The following DNAH14 variants were observed in gnomAD, a reference collection of about 807,000 sequenced individuals.
The protein encoded by DNAH14 is axonemal beta dynein heavy chain 14.
Under a neutral mutation model 520.9 loss-of-function variants are expected in DNAH14, and 478 were observed. The observed-to-expected ratio is 0.92, with a 90% CI of 0.85 to 0.99. The LOEUF (loss-of-function observed/expected upper bound fraction) is 0.99. Ranked by LOEUF, DNAH14 falls within the 50% of genes least tolerant of loss-of-function variation. The pLI, the probability that DNAH14 is intolerant of heterozygous loss-of-function variation, is 0.00. For synonymous variants in DNAH14, 1,581 were observed against 1,757.2 expected (o/e 0.90, Z 2.51); for missense variants, 4,831 against 5,234.5 (o/e 0.92, Z 2.38).
chr1:225,091,138 G>A (rs746961499), intron 21 of DNAH14, among the ~76,000 whole-genome samples: 1 of 152,106 alleles, frequency 6.6e-6, no homozygotes, highest in Admixed American at 6.6e-5. Flanking sequence ...GAAAGAGAGG[G>A]AGAGAAAGAA....
intron 77 of DNAH14, among the ~76,000 whole-genome samples, chr1:225,369,321 C>T (rs899966058): frequency 5.3e-5 from 8 of 151,670 alleles, no homozygotes; most frequent in East Asian, 1.9e-4. Context: ...CAAAACAAAA[C>T]CCAGAAATGT....
chr1:225,008,258 T>G (rs2064354704), intron 10 of DNAH14, among the ~76,000 whole-genome samples: 1 of 152,164 alleles, frequency 6.6e-6, no homozygotes, highest in Non-Finnish European at 1.5e-5. Flanking sequence ...ATGAACTCAT[T>G]CTTTTTTATG....
At chr1:224,975,805 T>C (rs1261057783) in intron 8 of DNAH14, among the ~76,000 whole-genome samples, 1 of 151,630 alleles carries the variant, frequency 6.6e-6, no homozygotes, top group East Asian at 1.9e-4. Context: ...TCTAATTCTT[T>C]TAATTGTGAT....
chr1:225,271,236 A>G (rs2093307503), intron 50 of DNAH14, among the ~76,000 whole-genome samples: 1 of 152,194 alleles, frequency 6.6e-6, no homozygotes, highest in African/African-American at 2.4e-5. Flanking sequence ...AAAAAATGCT[A>G]CACAAACTAT....
intron 43 of DNAH14, among the ~76,000 whole-genome samples, chr1:225,249,341 G>A (rs6693155): frequency 1.3e-5 from 2 of 152,004 alleles, no homozygotes; most frequent in African/African-American, 4.8e-5. Flanking sequence ...TTACCAGTAG[G>A]GACAATCTCT....
chr1:225,002,946 C>T lies in DNAH14; in HGVS notation c.975+19C>T. The T allele has an allele frequency of 1.3e-6, 2 of 1,503,014 alleles. No homozygotes were observed. Among genetic ancestry groups the T allele is most frequent in the East Asian group, 2.5e-5 (1 of 40,226 alleles). 93.1% of individuals were successfully genotyped at this position (1,503,014 alleles called of 1,614,324 possible). A position where few individuals can be genotyped will look rare whatever the true frequency, so the allele number is the denominator to read the frequency against. ...TGTAAAGGTGAGTAGAAGTATACTA[C>T]TATAAGCTAATATTGGTATATAGAA... On this transcript the variant is annotated intron_variant, in intron 9 of 85. Coordinates refer to ENST00000682510, the MANE Select transcript of DNAH14 (RefSeq NM_001367479.1).
chr1:225,091,362 C>T (rs2074377542), intron 21 of DNAH14, among the ~76,000 whole-genome samples: 1 of 152,026 alleles, frequency 6.6e-6, no homozygotes, highest in South Asian at 2.1e-4. Context: ...AAAGGAAACC[C>T]TATCAGGTTA....
chr1:225,109,617 G>A (rs1309547315), intron 23 of DNAH14, among the ~76,000 whole-genome samples: 1 of 151,940 alleles, frequency 6.6e-6, no homozygotes, highest in African/African-American at 2.4e-5. Flanking sequence ...GAGTCTTTAG[G>A]TTTTCCCCTA....
intron 2 of DNAH14, chr1:224,954,704 G>A (rs1225954331): frequency 7.8e-6 from 2 of 255,438 alleles, no homozygotes; most frequent in Admixed American, 5.5e-5. Flanking sequence ...AATTTAACTA[G>A]ACTCTCCATG....
intron 37 of DNAH14, among the ~76,000 whole-genome samples, chr1:225,190,075 G>A (rs1372537715): frequency 2.0e-5 from 3 of 151,788 alleles, no homozygotes; most frequent in Admixed American, 6.6e-5. Flanking sequence ...CTTATTCATG[G>A]GGAATACATT....
rs1169182387 is a variant in DNAH14, at chr1:225,089,442, C to CAAAAAA, written c.3573+3671_3573+3676dup. On this transcript the variant is annotated intron_variant, in intron 21 of 85. Transcript: ENST00000682510. ...CTGGGCAACAAGAGCAAAACTCCGT[C>CAAAAAA]AAAAAAAAAAAAAAAAAAAAAAAGA... 6.3e-3 allele frequency among the ~76,000 whole-genome samples: 189 copies of CAAAAAA among 29,802 alleles called. 4 individuals carry two copies. The highest frequency in any genetic ancestry group is 0.019 in the African/African-American group (137 of 7,220). The allele number at this position is 29,802 out of a possible 152,430, so 19.6% of individuals were successfully genotyped here. A position where few individuals can be genotyped will look rare whatever the true frequency, so the allele number is the denominator to read the frequency against.
At chr1:225,265,040 G>A (rs1177612105) in intron 47 of DNAH14, 142 bp from the exon 48 acceptor site, 7 of 641,506 alleles carry the variant, frequency 1.1e-5, no homozygotes, top group African/African-American at 3.9e-5. Context: ...ATATTCCAAA[G>A]TTCTATCGGA....
intron 28 of DNAH14, among the ~76,000 whole-genome samples, chr1:225,142,112 G>A (rs1476723662): frequency 6.6e-6 from 1 of 152,044 alleles, no homozygotes; most frequent in Non-Finnish European, 1.5e-5. Flanking sequence ...TGCCAAAGAG[G>A]ATATATTGTA....
At chr1:225,300,516 T>C (rs143559785) in intron 55 of DNAH14, among the ~76,000 whole-genome samples, 15 of 152,126 alleles carry the variant, frequency 9.9e-5, no homozygotes, top group African/African-American at 2.9e-4. Context: ...CCAGACAACA[T>C]AGAGAGGCCC....
At chr1:225,177,517 C>T (rs531754960) in intron 36 of DNAH14, among the ~76,000 whole-genome samples, 2 of 152,160 alleles carry the variant, frequency 1.3e-5, no homozygotes, top group African/African-American at 2.4e-5. Flanking sequence ...TCATCACAGC[C>T]GTTCCCATCA....
At chr1:225,220,390 A>C (rs1009624456) in intron 41 of DNAH14, among the ~76,000 whole-genome samples, 1 of 152,216 alleles carries the variant, frequency 6.6e-6, no homozygotes, top group Non-Finnish European at 1.5e-5. Context: ...AAATGACATG[A>C]TTGTACATTT....
At chr1:225,143,106 G>T (rs1241973277) in intron 28 of DNAH14, among the ~76,000 whole-genome samples, 1 of 151,860 alleles carries the variant, frequency 6.6e-6, no homozygotes, top group Non-Finnish European at 1.5e-5. Context: ...TTGGTCTAGG[G>T]TCATCATGAA....
At position 225,082,563 on chromosome 1, in the gene DNAH14, G is replaced by A. The variant is rs1470895690; in HGVS notation, c.3151G>A (p.Asp1051Asn). The A allele has an allele frequency of 1.7e-5, 26 of 1,548,486 alleles. No homozygotes were observed. The highest frequency in any genetic ancestry group is 2.2e-5 in the Non-Finnish European group (25 of 1,145,720). Reference protein sequence around the residue: ...SVLEKGLPKSDMVTHLKQVVT... With the variant: ...SVLEKGLPKSNMVTHLKQVVT... ...GTTATTTATAGGTTTACCTAAAAGC[G>A]ATATGGTAACACATCTTAAGCAAGT... The change falls in exon 20 of 86, where the codon GAT (aspartate) becomes AAT (asparagine). Residue 1051 changes from aspartate (D) to asparagine (N), a missense_variant. By Grantham distance (23) the Asp-to-Asn change is conservative. Coordinates refer to ENST00000682510, the MANE Select transcript of DNAH14 (RefSeq NM_001367479.1).
At chr1:224,995,343 T>G (rs749310413) in intron 8 of DNAH14, among the ~76,000 whole-genome samples, 1 of 152,134 alleles carries the variant, frequency 6.6e-6, no homozygotes, top group Non-Finnish European at 1.5e-5. Flanking sequence ...TGTTTTTTTT[T>G]CCCCCTTAGC....
Sources: gnomAD v4.1 joint callset for allele counts (sites outside exome capture counted in the v4.1 genomes callset) on GRCh38, gnomAD v4.1.1 for gene constraint, MANE v1.5 for transcripts, NCBI Gene and HGNC (gene_info 2026-07-23, HGNC 2026-07-21) for gene names.